The following ZNRF3 variants were observed in gnomAD, a reference collection of about 807,000 sequenced individuals.
ZNRF3 encodes the protein E3 ubiquitin-protein ligase ZNRF3.
Under a neutral mutation model 72.5 loss-of-function variants are expected in ZNRF3, and 23 were observed. The observed-to-expected ratio is 0.32, with a 90% confidence interval of 0.23 to 0.45. The LOEUF (loss-of-function observed/expected upper bound fraction) is 0.45. Among genes scored for constraint, ZNRF3 ranks in the 20% least tolerant of loss-of-function variants. The pLI is 1.00. For synonymous variants in ZNRF3, 610 were observed against 545.3 expected, an observed-to-expected ratio of 1.12 and a Z score of -1.65; for missense variants, 1,169 against 1,272.1, an observed-to-expected ratio of 0.92 and a Z score of 1.23.
rs1179006466 is a variant in ZNRF3, at chr22:29,054,010, A to C, written c.*388A>C. On this transcript the variant is annotated 3_prime_UTR_variant, in exon 9 of 9. Transcript: ENST00000544604. ...CCTAACTGCCAACTTTTGCTGAAAA[A>C]GAAAAAAAAATCACTGCTGCATTAA... is the stretch of plus-strand genomic sequence containing the variant. The C allele has an allele frequency of 1.3e-5, 2 of 156,502 alleles. No individual in the cohort carries two copies. The highest frequency in any genetic ancestry group is 4.8e-5 in the African/African-American group (2 of 41,500). The allele number at this position is 156,502 out of a possible 1,614,324, so 9.7% of individuals were successfully genotyped here. A position where few individuals can be genotyped will look rare whatever the true frequency, so the allele number is the denominator to read the frequency against.
intron 5 of ZNRF3, among the ~76,000 whole-genome samples, chr22:29,046,414 C>T (rs974305974): frequency 6.6e-6 from 1 of 152,176 alleles, no homozygotes; most frequent in Non-Finnish European, 1.5e-5. Context: ...GTTGATAACT[C>T]GGGGTCTGGC....
rs374982670 is a variant in ZNRF3, at chr22:28,943,676, TG to T, written c.301-43392del. ...TTTATTATAATGTGATTAACACACATGGGGGGGGAGGGGTGCCATTTGTTCC... is the reference window on the plus strand; with the variant it reads ...TTTATTATAATGTGATTAACACACATGGGGGGGAGGGGTGCCATTTGTTCC... On this transcript the variant is annotated intron_variant, in intron 1 of 8. Coordinates refer to ENST00000544604, the MANE Select transcript of ZNRF3 (RefSeq NM_001206998.2). Among the ~76,000 whole-genome samples the T allele has an allele frequency of 9.7e-3, 1,464 of 151,474 alleles. 12 individuals are homozygous for T. Among genetic ancestry groups the T allele is most frequent in the Middle Eastern group, 0.017 (5 of 294 alleles).
chr22:29,032,231 C>T (rs1457814875), intron 2 of ZNRF3, among the ~76,000 whole-genome samples: 2 of 152,198 alleles, frequency 1.3e-5, no homozygotes, highest in African/African-American at 4.8e-5. Flanking sequence ...TTCTTGTGGA[C>T]ATGGCCAAGG....
At position 29,055,504 on chromosome 22, in the gene ZNRF3, A is replaced by C. The variant is rs1352306525; in HGVS notation, c.*1882A>C. ...TAGCTAGGATTTGACAAATTCCAACATCAAATGATCAAAACATTTGCCACT... is the reference window on the plus strand; with the variant it reads ...TAGCTAGGATTTGACAAATTCCAACCTCAAATGATCAAAACATTTGCCACT... On this transcript the variant is annotated 3_prime_UTR_variant, in exon 9 of 9. Transcript: ENST00000544604. 2.0e-5 allele frequency: 3 copies of C among 152,258 alleles called. No individual in the cohort carries two copies. Among genetic ancestry groups the C allele is most frequent in the African/African-American group, 7.2e-5 (3 of 41,474 alleles). The allele number at this position is 152,258 out of a possible 1,614,324, so 9.4% of individuals were successfully genotyped here.
intron 2 of ZNRF3, among the ~76,000 whole-genome samples, chr22:29,002,722 A>G (rs1230282651): frequency 2.0e-5 from 3 of 152,208 alleles, no homozygotes; most frequent in Non-Finnish European, 1.5e-5. Flanking sequence ...GCTCCTAAGA[A>G]CAGCAGCAAC....
At position 29,050,735 on chromosome 22, in the gene ZNRF3, C is replaced by G. The variant is rs1279256600; in HGVS notation, c.2554C>G (p.Leu852Val). The change falls in exon 8 of 9, where the codon CTC (leucine) becomes GTC (valine). Residue 852 changes from leucine (L) to valine (V), a missense_variant. Physicochemically the swap from Leu to Val is conservative, Grantham distance 32. Transcript: ENST00000544604. ...CTCGGACTGCCAAGGGACCCACAGC[C>G]TCGGCTCCTGGGGTGGGACGCGAGG... The part of the protein sequence containing the change: ...LPSDCQGTHS[L>V]GSWGGTRGPD... 1 of 1,610,382 alleles carries G rather than the reference C, an allele frequency of 6.2e-7. No individual in the cohort carries two copies. The highest frequency in any genetic ancestry group is 8.5e-7 in the Non-Finnish European group (1 of 1,178,696).
chr22:28,897,886 G>T (rs1199906377), intron 1 of ZNRF3, among the ~76,000 whole-genome samples: 4 of 152,176 alleles, frequency 2.6e-5, no homozygotes, highest in African/African-American at 9.7e-5. Context: ...CTTTGGGATA[G>T]CATAGTGAGA....
chr22:28,996,960 T>G (rs1449078085), intron 2 of ZNRF3, among the ~76,000 whole-genome samples: 4 of 152,236 alleles, frequency 2.6e-5, no homozygotes, highest in African/African-American at 9.6e-5. Flanking sequence ...ATTGGGGTTT[T>G]GATCACAGAT....
chr22:28,966,454 G>T (rs1038780500), intron 1 of ZNRF3, among the ~76,000 whole-genome samples: 1 of 152,134 alleles, frequency 6.6e-6, no homozygotes, highest in African/African-American at 2.4e-5. Flanking sequence ...TCCTTCAGGA[G>T]GTATTCGAGA....
intron 1 of ZNRF3, chr22:28,917,329 G>A: frequency 1.5e-6 from 1 of 670,378 alleles, no homozygotes; most frequent in South Asian, 6.7e-5. Flanking sequence ...GTGCTCTTGA[G>A]AGAAGCCCAT....
chr22:29,032,928 C>T (rs115189109), intron 2 of ZNRF3, among the ~76,000 whole-genome samples: 2 of 152,274 alleles, frequency 1.3e-5, no homozygotes, highest in East Asian at 1.9e-4. Flanking sequence ...GGGAATAATA[C>T]CTGAACAGAG....
In ZNRF3 at chr22:28,944,926, CAAATAAAT is replaced by C. The variant is rs71316875; in HGVS notation, c.301-42119_301-42112del. 5.6e-4 allele frequency among the ~76,000 whole-genome samples: 80 copies of C among 143,540 alleles called. 1 individual carries two copies. Among genetic ancestry groups the C allele is most frequent in the Middle Eastern group, 3.5e-3 (1 of 286 alleles). The allele number at this position is 143,540 out of a possible 152,430, so 94.2% of individuals were successfully genotyped here. A position where few individuals can be genotyped will look rare whatever the true frequency, so the allele number is the denominator to read the frequency against. On this transcript the variant is annotated intron_variant, in intron 1 of 8. Transcript: ENST00000544604. ...GGGCAACAGAGCGAGACTCCGTCTC[CAAATAAAT>C]AAATAAATAAATAAATAAATAAATA...
intron 1 of ZNRF3, among the ~76,000 whole-genome samples, chr22:28,982,706 G>C (rs1041542725): frequency 4.6e-5 from 7 of 151,998 alleles, no homozygotes; most frequent in African/African-American, 1.5e-4. Flanking sequence ...TCCATCCTTG[G>C]GACAGGTCAG....
chr22:28,977,605 AAAGG>A (rs2035698440), intron 1 of ZNRF3, among the ~76,000 whole-genome samples: 1 of 152,242 alleles, frequency 6.6e-6, no homozygotes, highest in South Asian at 2.1e-4. Context: ...CAAAAGAACA[AAAGG>A]AAGGAAGTTT....
chr22:29,039,358 A>G (rs1271008110), intron 2 of ZNRF3, among the ~76,000 whole-genome samples: 1 of 152,188 alleles, frequency 6.6e-6, no homozygotes. Context: ...GTGCACCTGC[A>G]TCAAAGCGCA....
chr22:28,897,833 A>G (rs941966491), intron 1 of ZNRF3, among the ~76,000 whole-genome samples: 2 of 152,188 alleles, frequency 1.3e-5, no homozygotes, highest in Non-Finnish European at 2.9e-5. Context: ...GATGTAAAAC[A>G]TGTAAATTAT....
intron 1 of ZNRF3, among the ~76,000 whole-genome samples, chr22:28,985,511 G>A (rs987761119): frequency 5.9e-5 from 9 of 152,268 alleles, no homozygotes; most frequent in Admixed American, 2.0e-4. Context: ...CTCATGTTAC[G>A]CTTGAATACC....
intron 2 of ZNRF3, among the ~76,000 whole-genome samples, chr22:29,000,253 G>A (rs1224848447): frequency 6.6e-6 from 1 of 152,190 alleles, no homozygotes. Context: ...CCTGAAGAAC[G>A]TGGGCTATTT....
At chr22:28,984,259 C>T (rs780197694) in intron 1 of ZNRF3, among the ~76,000 whole-genome samples, 7 of 152,092 alleles carry the variant, frequency 4.6e-5, no homozygotes, top group Non-Finnish European at 8.8e-5. Context: ...AGTTCCAGAA[C>T]GTTTTCATCA....
Sources: allele counts gnomAD v4.1 joint callset (sites outside exome capture counted in the v4.1 genomes callset), GRCh38; gene constraint gnomAD v4.1.1; transcripts MANE v1.5; gene names NCBI Gene and HGNC (gene_info 2026-07-23, HGNC 2026-07-21).